CACNA1B: variants seen among roughly 807,000 people sequenced by gnomAD.
CACNA1B encodes the protein voltage-dependent N-type calcium channel subunit alpha-1B.
CACNA1B carries 70 observed loss-of-function variants against 247.2 expected under a neutral mutation model. The ratio of observed to expected loss-of-function variants is 0.28; its 90% CI spans 0.23 to 0.35. The LOEUF (loss-of-function observed/expected upper bound fraction) is 0.35. Among genes scored for constraint, CACNA1B ranks in the 10% least tolerant of loss-of-function variants. CACNA1B has a pLI of 1.00. For missense variants in CACNA1B, 2,367 were observed against 3,197.4 expected, an observed-to-expected ratio of 0.74 and a Z score of 6.26; for synonymous variants, 1,231 against 1,294.4, an observed-to-expected ratio of 0.95 and a Z score of 1.05.
At chr9:137,993,354 G>GTCTAGATAGATTAAATTTTTATCTA (rs1958456771) in intron 15 of CACNA1B, among the ~76,000 whole-genome samples, 1 of 150,990 alleles carries the variant, frequency 6.6e-6, no homozygotes, top group Non-Finnish European at 1.5e-5. Context: ...TTAAATTTTT[G>GTCTAGATAGATTAAATTTTTATCTA]TCTAGATAGA....
chr9:137,984,165 G>T lies in CACNA1B; in HGVS notation c.1684G>T (p.Val562Phe). 6.2e-7 allele frequency: 1 copy of T among 1,602,336 alleles called. No individual in the cohort carries two copies. Residue 562 changes from valine (V) to phenylalanine (F), a missense_variant, in exon 13 of 47, where the codon GTC becomes TTC. Coordinates refer to ENST00000371372, the MANE Select transcript of CACNA1B (RefSeq NM_000718.4). ...GVIVGSVFEV[V>F]WAAIKPGSSF... ...CATCGTGGGGAGCGTCTTTGAAGTG[G>T]TCTGGGCGGCCATCAAGCCGGGAAG...
At position 138,106,661 on chromosome 9, in the gene CACNA1B, T is replaced by C. The variant is rs112569463; in HGVS notation, c.5428+854T>C. 6.5e-3 allele frequency among the ~76,000 whole-genome samples: 986 copies of C among 152,244 alleles called. 24 individuals carry two copies. In the South Asian group the frequency reaches 0.086, roughly 13 times the overall value. On this transcript the variant is annotated intron_variant, in intron 39 of 46. Coordinates refer to ENST00000371372, the MANE Select transcript of CACNA1B (RefSeq NM_000718.4). ...TGGCACGTGCCTGTATTCCTAGCTA[T>C]TCAGGAGGCTGAGGCAGGCTTGAAC...
rs1160718868 is a variant in CACNA1B, at chr9:137,971,884, G to C, written c.1543+292G>C. ...TGGTTGAGGGGTCCGAGGCACCCAG[G>C]GCAGGATATATGTGGGACGACCAGG... On this transcript the variant is annotated intron_variant, in intron 11 of 46. Transcript: ENST00000371372. This position sits in a 1 kb window ranked among gnomAD's most constrained non-coding sequence, Gnocchi z 4.4. 6.6e-6 allele frequency among the ~76,000 whole-genome samples: 1 copy of C among 152,144 alleles called. No homozygotes were observed. The highest frequency in any genetic ancestry group is 6.5e-5 in the Admixed American group (1 of 15,286).
rs1252355269 is a variant in CACNA1B, at chr9:138,073,051, G to A, written c.4675-437G>A. Among the ~76,000 whole-genome samples the A allele has an allele frequency of 6.6e-6, 1 of 152,208 alleles. No homozygotes were observed. Among genetic ancestry groups the A allele is most frequent in the African/African-American group, 2.4e-5 (1 of 41,446 alleles). Reference sequence around the variant, plus strand: ...AAGGGCATAGCCGTGAAGCCTGGGCGGGGGTCCCTTCCGGGGTGCTGGGTG... The same window carrying A: ...AAGGGCATAGCCGTGAAGCCTGGGCAGGGGTCCCTTCCGGGGTGCTGGGTG... On this transcript the variant is annotated intron_variant, in intron 32 of 46. Coordinates refer to ENST00000371372, the MANE Select transcript of CACNA1B (RefSeq NM_000718.4). The surrounding 1 kb of genome is among the most constrained non-coding windows in gnomAD (Gnocchi z 6.4).
At chr9:137,999,516 C>T (rs1958539871) in intron 15 of CACNA1B, among the ~76,000 whole-genome samples, 1 of 151,754 alleles carries the variant, frequency 6.6e-6, no homozygotes, top group South Asian at 2.1e-4. Flanking sequence ...AAAAAATAAA[C>T]AAGTACTCTT....
chr9:138,073,571 C>T lies in CACNA1B; in HGVS notation c.4758C>T (p.Arg1586=), dbSNP rs760015359. Residue 1586 remains arginine, a synonymous_variant, in exon 33 of 47, where the codon CGC becomes CGT. Transcript: ENST00000371372. This position sits in a 1 kb window ranked among gnomAD's most constrained non-coding sequence, Gnocchi z 6.4. ...TGCTCCGCCAGGGCTACACCATCCG[C>T]ATCCTGCTGTGGACCTTTGTCCAGT... The part of the protein sequence containing the change: ...IKLLRQGYTI[R]ILLWTFVQSF... The T allele has an allele frequency of 3.1e-6, 5 of 1,611,938 alleles. No individual in the cohort carries two copies. The highest frequency in any genetic ancestry group is 4.2e-6 in the Non-Finnish European group (5 of 1,178,108).
intron 20 of CACNA1B, among the ~76,000 whole-genome samples, chr9:138,033,769 C>G (rs982136262): frequency 5.3e-5 from 8 of 152,128 alleles, no homozygotes; most frequent in Non-Finnish European, 1.2e-4. Context: ...ATAAGACCAT[C>G]CTATCTCGTG....
rs200281207 is a variant in CACNA1B at position 138,102,826 on chromosome 9, A to G, written c.5319+19A>G. The G allele has an allele frequency of 3.3e-6, 5 of 1,524,740 alleles. No individual in the cohort carries two copies. The highest frequency in any genetic ancestry group is 1.7e-5 in the Admixed American group (1 of 58,632). The allele number at this position is 1,524,740 out of a possible 1,614,324, so 94.5% of individuals were successfully genotyped here. A position where few individuals can be genotyped will look rare whatever the true frequency, so the allele number is the denominator to read the frequency against. ...TTACAAGGTAGACCCTGACCCTGCA[A>G]CCCGCCCCCCAGGAGGCTGTGTGTG... is the stretch of plus-strand genomic sequence containing the variant. On this transcript the variant is annotated intron_variant, in intron 38 of 46. Coordinates refer to ENST00000371372, the MANE Select transcript of CACNA1B (RefSeq NM_000718.4). This position sits in a 1 kb window ranked among gnomAD's most constrained non-coding sequence, Gnocchi z 5.4.
chr9:138,037,752 T>A (rs1485451927), intron 20 of CACNA1B, among the ~76,000 whole-genome samples: 1 of 152,112 alleles, frequency 6.6e-6, no homozygotes, highest in Non-Finnish European at 1.5e-5. Context: ...TGCCATATGG[T>A]ATCAGGAGCT....
At chr9:138,009,123 C>T (rs1007532747) in intron 16 of CACNA1B, among the ~76,000 whole-genome samples, 9 of 152,320 alleles carry the variant, frequency 5.9e-5, no homozygotes, top group African/African-American at 1.4e-4. Context: ...AGAAAAACAC[C>T]GTGATGGGAC....
At position 138,073,732 on chromosome 9, in the gene CACNA1B, T is replaced by C. The variant is rs1960212915; in HGVS notation, c.4791+128T>C. 1.5e-6 allele frequency: 1 copy of C among 672,212 alleles called. No individual in the cohort carries two copies. Among genetic ancestry groups the C allele is most frequent in the South Asian group, 1.7e-5 (1 of 57,998 alleles). 41.6% of individuals were successfully genotyped at this position (672,212 alleles called of 1,614,324 possible). ...ATGGCATGCAGGTTTCGTGGTTGTA[T>C]GCATTGTCCTGTTGTCATTTATAAA... On this transcript the variant is annotated intron_variant, in intron 33 of 46. Transcript: ENST00000371372. The surrounding 1 kb of genome is among the most constrained non-coding windows in gnomAD (Gnocchi z 6.4).
In CACNA1B at chr9:137,919,796, AT is replaced by A. The variant is rs1281844164; in HGVS notation, c.966+2366del. Among the ~76,000 whole-genome samples the A allele has an allele frequency of 6.6e-6, 1 of 152,146 alleles. No homozygotes were observed. Among genetic ancestry groups the A allele is most frequent in the Non-Finnish European group, 1.5e-5 (1 of 68,008 alleles). ...GCGGGCAGCCAGGACCGGGTGAGTG[AT>A]GGGGTCTCAGAGTGGATTGCTGAAA... On this transcript the variant is annotated intron_variant, in intron 6 of 46. Coordinates refer to ENST00000371372, the MANE Select transcript of CACNA1B (RefSeq NM_000718.4). The surrounding 1 kb of genome is among the most constrained non-coding windows in gnomAD (Gnocchi z 4.6).
In CACNA1B at chr9:138,013,208, T is replaced by G; in HGVS notation, c.2240T>G (p.Met747Arg). The G allele has an allele frequency of 6.2e-7, 1 of 1,605,306 alleles. No homozygotes were observed. The highest frequency in any genetic ancestry group is 1.1e-5 in the South Asian group (1 of 89,464). The stretch of plus-strand genomic sequence containing the variant: ...AAAGAAGTGGCTGAAGTCAGCCCCA[T>G]GTCTGCCGCGAACATCTCCATCGCC... ...KAKEVAEVSP[M>R]SAANISIAAR... is the part of the protein sequence containing the mutation. Residue 747 changes from methionine (M) to arginine (R), a missense_variant, in exon 18 of 47, where the codon ATG becomes AGG. Coordinates refer to ENST00000371372, the MANE Select transcript of CACNA1B (RefSeq NM_000718.4).
In CACNA1B at chr9:138,012,396, C is replaced by CA. The variant is rs140431214; in HGVS notation, c.2161-729dup. Among the ~76,000 whole-genome samples the CA allele has an allele frequency of 2.4e-3, 367 of 152,068 alleles. 1 individual carries two copies. Among genetic ancestry groups the CA allele is most frequent in the African/African-American group, 8.2e-3 (340 of 41,480 alleles). Reference sequence around the variant, plus strand: ...GATGCTCCTGGGGGGACAGGTGGGACAAAAGGAGGGACAGATTTGCATTTC... The same window carrying CA: ...GATGCTCCTGGGGGGACAGGTGGGACAAAAAGGAGGGACAGATTTGCATTTC... On this transcript the variant is annotated intron_variant, in intron 17 of 46. Transcript: ENST00000371372. The surrounding 1 kb of genome is among the most constrained non-coding windows in gnomAD (Gnocchi z 4.2).
chr9:138,066,826 T>C (rs1048244175), intron 31 of CACNA1B, among the ~76,000 whole-genome samples: 31 of 151,868 alleles, frequency 2.0e-4, no homozygotes, highest in Non-Finnish European at 7.4e-5. Context: ...GCATCTAACT[T>C]TAAAAGTTAG....
chr9:137,957,649 A>T lies in CACNA1B; in HGVS notation c.1295A>T (p.Glu432Val). 6.2e-7 allele frequency: 1 copy of T among 1,603,296 alleles called. No individual in the cohort carries two copies. Among genetic ancestry groups the T allele is most frequent in the Non-Finnish European group, 8.5e-7 (1 of 1,175,138 alleles). Residue 432 changes from glutamate to valine, a missense_variant, in exon 10 of 47, where the codon GAG (glutamate) becomes GTG (valine). Around this residue, in one of 12 missense-constraint regions of CACNA1B, gnomAD observed 219 missense variants for 297.6 expected, o/e 0.74. Transcript: ENST00000371372. The surrounding 1 kb of genome is among the most constrained non-coding windows in gnomAD (Gnocchi z 4.7). ...KKSRNDLIHAEEGEDRFADLC... is the reference protein window; with the variant it reads ...KKSRNDLIHAVEGEDRFADLC... ...AGCAGAAATGACCTGATCCACGCAG[A>T]GGAGGGAGAGGACCGGTTTGCAGAT... is the stretch of plus-strand genomic sequence containing the variant.
intron 31 of CACNA1B, among the ~76,000 whole-genome samples, chr9:138,064,531 G>A (rs1328540744): frequency 6.6e-6 from 1 of 152,214 alleles, no homozygotes; most frequent in African/African-American, 2.4e-5. Flanking sequence ...ATCTCAAGCA[G>A]CATCCTTGTT....
intron 35 of CACNA1B, among the ~76,000 whole-genome samples, chr9:138,076,580 C>T (rs980609533): frequency 6.6e-6 from 1 of 152,198 alleles, no homozygotes; most frequent in East Asian, 1.9e-4. Context: ...GGAGATGTGC[C>T]AGGAGAGGCC....
intron 20 of CACNA1B, among the ~76,000 whole-genome samples, chr9:138,032,068 C>G (rs1340008634): frequency 6.6e-6 from 1 of 151,880 alleles, no homozygotes; most frequent in African/African-American, 2.4e-5. Context: ...TTTTTCATTT[C>G]TCTGGTTTCC....
Sources: gnomAD v4.1 joint callset for allele counts (sites outside exome capture counted in the v4.1 genomes callset) on GRCh38, gnomAD v4.1.1 for gene constraint, gnomAD v4.1.1 regional missense constraint, Gnocchi (gnomAD v3.1) non-coding constraint, MANE v1.5 for transcripts, NCBI Gene and HGNC (gene_info 2026-07-23, HGNC 2026-07-21) for gene names.